USH2A: variants seen among roughly 807,000 people sequenced by gnomAD.
USH2A encodes Usher syndrome 2A (autosomal recessive, mild).
Under a neutral mutation model 538.9 loss-of-function variants are expected in USH2A, and 443 were observed. That is an observed-to-expected ratio of 0.82 (90% CI 0.76 to 0.89). The LOEUF is 0.89. Ranked by LOEUF, USH2A falls within the 40% of genes least tolerant of loss-of-function variation. The probability of loss-of-function intolerance (pLI) is 0.00; values close to 1 mark genes in which losing one functional copy is unlikely to be tolerated. For missense variants in USH2A, 6,633 were observed against 6,324.8 expected (o/e 1.05, Z -1.65); for synonymous variants, 2,413 against 2,273.5 (o/e 1.06, Z -1.75).
At chr1:216,277,418 A>G (rs1029095402) in intron 11 of USH2A, among the ~76,000 whole-genome samples, 6 of 152,104 alleles carry the variant, frequency 3.9e-5, no homozygotes, top group Non-Finnish European at 8.8e-5. Context: ...GCATCTACCA[A>G]TATTACAGGG....
chr1:216,315,950 G>C (rs1344231754), intron 9 of USH2A, among the ~76,000 whole-genome samples: 1 of 152,112 alleles, frequency 6.6e-6, no homozygotes, highest in Admixed American at 6.6e-5. Flanking sequence ...CCCTAAATCA[G>C]TTCTAAAGTG....
At chr1:216,376,426 AT>A (rs1398145907) in intron 3 of USH2A, among the ~76,000 whole-genome samples, 1 of 152,102 alleles carries the variant, frequency 6.6e-6, no homozygotes, top group Admixed American at 6.6e-5. Context: ...ACAAGAAGGA[AT>A]AAAATTTAAA....
At chr1:216,327,723 A>G (rs1480739441) in intron 4 of USH2A, 69 bp from the exon 5 acceptor site, 1 of 1,557,186 alleles carries the variant, frequency 6.4e-7, no homozygotes, top group Non-Finnish European at 8.8e-7. Flanking sequence ...CAAGTATTTA[A>G]GTGATATTCC....
At chr1:215,859,107 T>C (rs1182935186) in intron 44 of USH2A, among the ~76,000 whole-genome samples, 2 of 152,180 alleles carry the variant, frequency 1.3e-5, no homozygotes, top group Non-Finnish European at 2.9e-5. Context: ...TGCTAACTTA[T>C]GAAATCGAGG....
At chr1:215,667,558 C>G (rs915709636) in intron 64 of USH2A, among the ~76,000 whole-genome samples, 1 of 151,680 alleles carries the variant, frequency 6.6e-6, no homozygotes, top group Non-Finnish European at 1.5e-5. Flanking sequence ...AAATTCGCCA[C>G]GCATGGTGGC....
intron 13 of USH2A, among the ~76,000 whole-genome samples, chr1:216,238,949 T>G (rs1436154280): frequency 6.6e-6 from 1 of 152,060 alleles, no homozygotes; most frequent in Non-Finnish European, 1.5e-5. Flanking sequence ...CAGACATGTT[T>G]AAATAAGTAA....
intron 60 of USH2A, among the ~76,000 whole-genome samples, chr1:215,741,126 CA>C (rs1660288283): frequency 6.6e-6 from 1 of 152,020 alleles, no homozygotes; most frequent in Non-Finnish European, 1.5e-5. Flanking sequence ...AAACAGATCT[CA>C]ATCAAAAATG....
intron 21 of USH2A, among the ~76,000 whole-genome samples, chr1:216,165,505 C>T (rs1409041844): frequency 6.6e-6 from 1 of 152,150 alleles, no homozygotes; most frequent in Non-Finnish European, 1.5e-5. Context: ...TATTTTCTTA[C>T]ACATCTAAGG....
At chr1:216,009,822 G>A (rs1026049615) in intron 32 of USH2A, among the ~76,000 whole-genome samples, 7 of 151,998 alleles carry the variant, frequency 4.6e-5, no homozygotes, top group Non-Finnish European at 7.4e-5. Context: ...TCCCCAACCT[G>A]ACCAGCAATT....
chr1:216,292,251 G>A lies in USH2A; in HGVS notation c.1764C>T (p.Ile588=). The A allele has an allele frequency of 6.2e-7, 1 of 1,614,092 alleles. No homozygotes were observed. The highest frequency in any genetic ancestry group is 8.5e-7 in the Non-Finnish European group (1 of 1,179,972). ...NSHSKSCHYN[I]SVDPFPFEHF... ...GCTCAAAAGGAAATGGGTCTACAGA[G>A]ATGTTGTAATGGCAGCTTTTGGAAT... The change falls in exon 10 of 72, where the codon ATC becomes ATT. Residue 588 remains isoleucine, a synonymous_variant. Transcript: ENST00000307340.
chr1:215,879,026 T>C lies in USH2A; in HGVS notation c.8296A>G (p.Ile2766Val), dbSNP rs1027689734. The change falls in exon 42 of 72, where the codon ATC becomes GTC. Residue 2766 changes from isoleucine (I) to valine (V), a missense_variant. Ile to Val is a conservative substitution (Grantham distance 29). Transcript: ENST00000307340. The stretch of plus-strand genomic sequence containing the variant: ...GCGGAAGTCACATTGGTTAAAGTGA[T>C]GTGAGGGTCAGGCATGTGAATCTCA... Reference protein sequence around the residue: ...SYEIHMPDPHITLTNVTSAVL... With the variant: ...SYEIHMPDPHVTLTNVTSAVL... The C allele has an allele frequency of 6.2e-7, 1 of 1,613,958 alleles. No homozygotes were observed. The highest frequency in any genetic ancestry group is 1.3e-5 in the African/African-American group (1 of 74,924).
At chr1:215,887,351 G>T (rs1384052872) in intron 41 of USH2A, among the ~76,000 whole-genome samples, 11 of 151,886 alleles carry the variant, frequency 7.2e-5, no homozygotes, top group Admixed American at 7.2e-4. Context: ...GAAAAAAAAA[G>T]TCATTTCTGG....
At chr1:216,202,957 G>T (rs2035031711) in intron 16 of USH2A, among the ~76,000 whole-genome samples, 1 of 151,950 alleles carries the variant, frequency 6.6e-6, no homozygotes, top group Non-Finnish European at 1.5e-5. Flanking sequence ...TGTTACTTTG[G>T]TTTACTTATA....
chr1:216,323,461 T>C lies in USH2A; in HGVS notation c.1550+13A>G. The C allele has an allele frequency of 6.2e-7, 1 of 1,612,900 alleles. No homozygotes were observed. Among genetic ancestry groups the C allele is most frequent in the Non-Finnish European group, 8.5e-7 (1 of 1,179,360 alleles). Reference sequence around the variant, plus strand: ...GACAAAAACCTTGTTGAAAACAAAATTCATAATAATACCTCCCACTAATGG... The same window carrying C: ...GACAAAAACCTTGTTGAAAACAAAACTCATAATAATACCTCCCACTAATGG... On this transcript the variant is annotated intron_variant, in intron 8 of 71. Transcript: ENST00000307340.
intron 55 of USH2A, among the ~76,000 whole-genome samples, chr1:215,769,122 A>G (rs1278837245): frequency 6.6e-6 from 1 of 152,252 alleles, no homozygotes; most frequent in African/African-American, 2.4e-5. Context: ...TTAATAAAAT[A>G]ACAGAAACTA....
At chr1:215,787,774 T>A (rs1031051993) in intron 51 of USH2A, among the ~76,000 whole-genome samples, 3 of 152,178 alleles carry the variant, frequency 2.0e-5, no homozygotes, top group African/African-American at 7.2e-5. Context: ...CTGGGCGCAG[T>A]GGCTCATGTC....
At chr1:215,962,809 C>T (rs972378474) in intron 37 of USH2A, among the ~76,000 whole-genome samples, 10 of 152,138 alleles carry the variant, frequency 6.6e-5, no homozygotes, top group South Asian at 6.2e-4. Context: ...GAACATAATA[C>T]GTGGTCAAAA....
Position 215,680,217 on chromosome 1 carries a change from G to C in USH2A, c.12226C>G (p.Gln4076Glu). The C allele has an allele frequency of 6.2e-7, 1 of 1,614,102 alleles. No individual in the cohort carries two copies. ...AGCAATGCCCGGCCATTCTCTTTCTGTTCTACTATAAAGTTTCTCAGTCCA... is the reference window on the plus strand; with the variant it reads ...AGCAATGCCCGGCCATTCTCTTTCTCTTCTACTATAAAGTTTCTCAGTCCA... ...PSGLRNFIVEQKENGRALLLQ... is the reference protein window; with the variant it reads ...PSGLRNFIVEEKENGRALLLQ... Residue 4076 changes from glutamine (Q) to glutamate (E), a missense_variant, in exon 62 of 72, where the codon CAG (glutamine) becomes GAG (glutamate). Physicochemically the swap from Gln to Glu is conservative, Grantham distance 29. Coordinates refer to ENST00000307340, the MANE Select transcript of USH2A (RefSeq NM_206933.4).
At position 216,175,255 on chromosome 1, in the gene USH2A, T is replaced by C. The variant is rs1369028348; in HGVS notation, c.4624A>G (p.Thr1542Ala). The change falls in exon 21 of 72, where the codon ACT (threonine) becomes GCT (alanine). Residue 1542 changes from threonine to alanine, a missense_variant. Physicochemically the swap from Thr to Ala is moderately conservative, Grantham distance 58. Transcript: ENST00000307340. ...SSTHPVNTDF[T>A]GIKASFRTKV... Reference sequence around the variant, plus strand: ...AAGCAATGTCAAACACACTTACCAGTGAAGTCTGTATTGACTGGGTGAGTG... The same window carrying C: ...AAGCAATGTCAAACACACTTACCAGCGAAGTCTGTATTGACTGGGTGAGTG... 1.2e-6 allele frequency: 2 copies of C among 1,613,550 alleles called. No homozygotes were observed. Among genetic ancestry groups the C allele is most frequent in the East Asian group, 2.2e-5 (1 of 44,774 alleles).
Sources: allele counts gnomAD v4.1 joint callset (sites outside exome capture counted in the v4.1 genomes callset), GRCh38; gene constraint gnomAD v4.1.1; transcripts MANE v1.5; gene names NCBI Gene and HGNC (gene_info 2026-07-23, HGNC 2026-07-21).